The following LOC400499 variants were observed in gnomAD, a reference collection of about 807,000 sequenced individuals.
the LOC400499 span, chr16:11,484,806 G>GGTTCAGAA: frequency 1.0e-5 from 4 of 398,036 alleles, no homozygotes; most frequent in Non-Finnish European, 1.8e-5. Flanking sequence ...CCAAGTCTCA[G>GGTTCAGAA]GTTCAAAAGT....
At chr16:11,504,359 C>G in the LOC400499 span, among the ~76,000 whole-genome samples, 2 of 152,062 alleles carry the variant, frequency 1.3e-5, no homozygotes, top group African/African-American at 4.8e-5. Context: ...AGTTTGAGAC[C>G]AGCATGGCCA....
chr16:11,450,415 T>A, the LOC400499 span, among the ~76,000 whole-genome samples: 1 of 152,250 alleles, frequency 6.6e-6, no homozygotes, highest in African/African-American at 2.4e-5. Context: ...ATCTAGATTT[T>A]CTTTTTTTAG....
chr16:11,398,262 G>A, the LOC400499 span: 1 of 1,158,652 alleles, frequency 8.6e-7, no homozygotes, highest in Non-Finnish European at 1.1e-6. Context: ...TCACACCCCT[G>A]CATTCTGCGG....
chr16:11,400,438 CTTTT>C, the LOC400499 span, among the ~76,000 whole-genome samples: 2 of 137,488 alleles, frequency 1.5e-5, no homozygotes, highest in African/African-American at 5.4e-5. Context: ...AGTCTCACAT[CTTTT>C]TTTTTTCTTT....
At chr16:11,452,201 G>GTT in the LOC400499 span, among the ~76,000 whole-genome samples, 329 of 77,168 alleles carry the variant, frequency 4.3e-3, 4 homozygotes, top group African/African-American at 0.013. Context: ...CAGTTTTTTT[G>GTT]TTTGTTTTTT....
chr16:11,501,541 G>C, the LOC400499 span, among the ~76,000 whole-genome samples: 2 of 152,078 alleles, frequency 1.3e-5, no homozygotes, highest in African/African-American at 4.8e-5. Flanking sequence ...ATTTTTTGTA[G>C]AGATGGGGGC....
chr16:11,427,247 C>T, the LOC400499 span, among the ~76,000 whole-genome samples: 1 of 150,238 alleles, frequency 6.7e-6, no homozygotes, highest in African/African-American at 2.5e-5. Flanking sequence ...CCTGTAATCC[C>T]AGCTACTTGG....
the LOC400499 span, chr16:11,401,927 T>G: frequency 2.5e-6 from 1 of 398,238 alleles, no homozygotes; most frequent in Non-Finnish European, 4.4e-6. Context: ...TACAGCCTCA[T>G]TGACCCCAGA....
the LOC400499 span, chr16:11,384,410 G>GTGAGA: frequency 1.4e-6 from 1 of 726,610 alleles, no homozygotes; most frequent in East Asian, 3.4e-5. Context: ...GGACCTGTGT[G>GTGAGA]TGAGATGAGC....
chr16:11,448,212 C>T, the LOC400499 span: 3 of 1,110,570 alleles, frequency 2.7e-6, no homozygotes, highest in African/African-American at 3.1e-5. Flanking sequence ...GGCTACTGAA[C>T]TGAGCCACAG....
At chr16:11,378,836 G>C in the LOC400499 span, among the ~76,000 whole-genome samples, 2 of 152,150 alleles carry the variant, frequency 1.3e-5, no homozygotes, top group African/African-American at 2.4e-5. Flanking sequence ...AACATTCCAC[G>C]TGTACTTTTG....
At chr16:11,430,742 C>G in the LOC400499 span, among the ~76,000 whole-genome samples, 2 of 152,170 alleles carry the variant, frequency 1.3e-5, no homozygotes, top group South Asian at 2.1e-4. Flanking sequence ...CTGGGAAACC[C>G]TGCACCCAAC....
chr16:11,500,063 G>T, the LOC400499 span, among the ~76,000 whole-genome samples: 2 of 152,176 alleles, frequency 1.3e-5, no homozygotes, highest in Non-Finnish European at 2.9e-5. Flanking sequence ...CTAATCTCCA[G>T]ACTCATTAAA....
At chr16:11,515,787 G>GGGAGGAGGA in the LOC400499 span, 2 of 403,502 alleles carry the variant, frequency 5.0e-6, no homozygotes, top group Admixed American at 4.4e-5. Flanking sequence ...AGGAGGAAAA[G>GGGAGGAGGA]GGAGGAGGAG....
At chr16:11,378,220 T>C in the LOC400499 span, among the ~76,000 whole-genome samples, 1 of 147,126 alleles carries the variant, frequency 6.8e-6, no homozygotes, top group East Asian at 2.0e-4. Flanking sequence ...TATAGAACAG[T>C]GTCACTGTGC....
At chr16:11,482,002 G>C in the LOC400499 span, among the ~76,000 whole-genome samples, 4 of 152,256 alleles carry the variant, frequency 2.6e-5, no homozygotes, top group East Asian at 7.7e-4. Context: ...AGAGTATGCG[G>C]TGAATGATTC....
the LOC400499 span, among the ~76,000 whole-genome samples, chr16:11,462,663 T>C: frequency 2.3e-3 from 347 of 152,210 alleles, 1 homozygote; most frequent in Admixed American, 5.5e-3. Flanking sequence ...GCACAAGTGA[T>C]CCACCCGCCC....
chr16:11,395,357 G>A, the LOC400499 span, among the ~76,000 whole-genome samples: 379 of 152,300 alleles, frequency 2.5e-3, no homozygotes, highest in Middle Eastern at 6.8e-3. Context: ...CAAATAAATC[G>A]GGGATAGGGA....
chr16:11,514,791 A>G, the LOC400499 span, among the ~76,000 whole-genome samples: 3 of 152,218 alleles, frequency 2.0e-5, no homozygotes, highest in African/African-American at 7.2e-5. Context: ...GAAACAAGAA[A>G]GTCTAGCAGA....
Sources: gnomAD v4.1 joint callset for allele counts (sites outside exome capture counted in the v4.1 genomes callset) on GRCh38, gnomAD v4.1.1 for gene constraint, MANE v1.5 for transcripts.